ZSWIM5: variants seen among roughly 807,000 people sequenced by gnomAD.
ZSWIM5 encodes the protein zinc finger SWIM domain-containing protein 5.
A neutral mutation model predicts 119.6 loss-of-function variants in ZSWIM5; 55 were observed. The observed-to-expected ratio is 0.46, with a 90% CI of 0.37 to 0.58. ZSWIM5 has a LOEUF of 0.58. Ranked by LOEUF, ZSWIM5 falls within the 20% of genes least tolerant of loss-of-function variation. ZSWIM5 has a pLI of 0.00. For missense variants in ZSWIM5, 1,193 were observed against 1,512.8 expected (o/e 0.79, Z 3.51); for synonymous variants, 537 against 606.9 (o/e 0.88, Z 1.69).
chr1:45,043,474 G>T (rs931572826), intron 5 of ZSWIM5, 79 bp from the exon 6 acceptor site: 128 of 1,412,104 alleles, frequency 9.1e-5, no homozygotes, highest in Non-Finnish European at 2.2e-5. Flanking sequence ...CAGGGTGGGA[G>T]GTTGGCTGAA....
At position 45,020,114 on chromosome 1, in the gene ZSWIM5, T is replaced by G. The variant is rs776079801; in HGVS notation, c.2647A>C (p.Arg883=). 6.2e-6 allele frequency: 10 copies of G among 1,614,148 alleles called. No individual in the cohort carries two copies. The South Asian group carries it at 9.9e-5, about 16-fold the overall frequency. Residue 883 remains arginine, a synonymous_variant, in exon 13 of 14, where the codon AGA becomes CGA. Coordinates refer to ENST00000359600, the MANE Select transcript of ZSWIM5 (RefSeq NM_020883.2). ...AACCATCGTACCATCTCCCTGCGTC[T>G]CCAGTTAAGGGTTGATAAGGTCATC... ...MRMTLSTLNW[R]RREMVRWLVT...
At chr1:45,058,509 A>T in intron 4 of ZSWIM5, 100 bp downstream of exon 4, 1 of 1,476,004 alleles carries the variant, frequency 6.8e-7, no homozygotes, top group Non-Finnish European at 9.2e-7. Flanking sequence ...AGCTGGACTT[A>T]GCAAGATCCA....
At chr1:45,059,786 T>C (rs180685282) in intron 3 of ZSWIM5, among the ~76,000 whole-genome samples, 60 of 152,316 alleles carry the variant, frequency 3.9e-4, no homozygotes, top group African/African-American at 1.3e-3. Flanking sequence ...GTTGAAACTC[T>C]AGTCTTCAGG....
chr1:45,185,236 T>C (rs1160410017), intron 1 of ZSWIM5, among the ~76,000 whole-genome samples: 1 of 151,134 alleles, frequency 6.6e-6, no homozygotes, highest in Non-Finnish European at 1.5e-5. Context: ...TTACACCTTA[T>C]ACAAAAATTA....
At chr1:45,141,698 T>C (rs896480173) in intron 1 of ZSWIM5, among the ~76,000 whole-genome samples, 2 of 152,042 alleles carry the variant, frequency 1.3e-5, no homozygotes, top group Admixed American at 1.3e-4. Flanking sequence ...ACATGGAAAA[T>C]ATATTACCAT....
intron 1 of ZSWIM5, among the ~76,000 whole-genome samples, chr1:45,144,173 A>G (rs1015576757): frequency 2.0e-5 from 3 of 152,150 alleles, no homozygotes; most frequent in Non-Finnish European, 4.4e-5. Flanking sequence ...AGGAACTGGA[A>G]GAGCTAAAAT....
chr1:45,098,872 G>A (rs1029119650), intron 1 of ZSWIM5, among the ~76,000 whole-genome samples: 8 of 152,112 alleles, frequency 5.3e-5, no homozygotes, highest in East Asian at 1.9e-4. Flanking sequence ...CACACCATAC[G>A]AGAATCTCTG....
At chr1:45,094,529 G>A (rs2149014569) in intron 1 of ZSWIM5, among the ~76,000 whole-genome samples, 1 of 152,148 alleles carries the variant, frequency 6.6e-6, no homozygotes, top group South Asian at 2.1e-4. Flanking sequence ...GACTGCTTGA[G>A]CCCAGGAGTT....
At chr1:45,133,255 CCA>C (rs1340794315) in intron 1 of ZSWIM5, among the ~76,000 whole-genome samples, 1 of 152,184 alleles carries the variant, frequency 6.6e-6, no homozygotes, top group Non-Finnish European at 1.5e-5. Flanking sequence ...TCCTGTTTCT[CCA>C]CATCCTCTAC....
At chr1:45,152,616 G>T (rs1477415141) in intron 1 of ZSWIM5, among the ~76,000 whole-genome samples, 1 of 152,082 alleles carries the variant, frequency 6.6e-6, no homozygotes, top group Non-Finnish European at 1.5e-5. Context: ...ATGGATTAAA[G>T]ATTTAAATAT....
Position 45,048,080 on chromosome 1 carries a change from CTCT to C in ZSWIM5, c.1432+2991_1432+2993del, listed in dbSNP as rs1402286232. The stretch of plus-strand genomic sequence containing the variant: ...TTCTTTCTTTCTTTCCTTTTCTTTT[CTCT>C]TTTTTTTTTTTTTTTTTTGAGACAG... On this transcript the variant is annotated intron_variant, in intron 5 of 13. Transcript: ENST00000359600. 6.3e-3 allele frequency among the ~76,000 whole-genome samples: 27 copies of C among 4,258 alleles called. 1 individual carries two copies. Among genetic ancestry groups the C allele is most frequent in the South Asian group, 0.02 (1 of 50 alleles). The allele number at this position is 4,258 out of a possible 152,430, so 2.8% of individuals were successfully genotyped here. A position where few individuals can be genotyped will look rare whatever the true frequency, so the allele number is the denominator to read the frequency against.
chr1:45,048,575 TG>T (rs1645070975), intron 5 of ZSWIM5, among the ~76,000 whole-genome samples: 1 of 151,784 alleles, frequency 6.6e-6, no homozygotes, highest in South Asian at 2.1e-4. Context: ...AAATTCCTAG[TG>T]GGTAAAAGAA....
chr1:45,110,072 G>A (rs553840183), intron 1 of ZSWIM5, among the ~76,000 whole-genome samples: 1 of 152,136 alleles, frequency 6.6e-6, no homozygotes, highest in South Asian at 2.1e-4. Flanking sequence ...TCACTATGTT[G>A]CCCAGGCTGG....
In ZSWIM5 at chr1:45,206,544, G is replaced by A; in HGVS notation, c.-194C>T. On this transcript the variant is annotated 5_prime_UTR_variant, in exon 1 of 14. Coordinates refer to ENST00000359600, the MANE Select transcript of ZSWIM5 (RefSeq NM_020883.2). ...GGGAGCGCGCCGCGAGGGCAGACGC[G>A]GGCGGCCTGCAGGGTAGCGTGAGGC... 2 of 1,014,268 alleles carry A rather than the reference G, an allele frequency of 2.0e-6. No individual in the cohort carries two copies. The highest frequency in any genetic ancestry group is 4.6e-5 in the South Asian group (1 of 21,574). The allele number at this position is 1,014,268 out of a possible 1,614,324, so 62.8% of individuals were successfully genotyped here. A position where few individuals can be genotyped will look rare whatever the true frequency, so the allele number is the denominator to read the frequency against.
At chr1:45,069,383 G>A (rs938228497) in intron 2 of ZSWIM5, among the ~76,000 whole-genome samples, 2 of 150,824 alleles carry the variant, frequency 1.3e-5, no homozygotes, top group African/African-American at 4.9e-5. Context: ...CCAAGATCGT[G>A]CCACTGCACT....
intron 11 of ZSWIM5, among the ~76,000 whole-genome samples, chr1:45,022,120 CTTTAT>C (rs145235699): frequency 0.84 from 123,000 of 147,174 alleles, 53,082 homozygotes; most frequent in Middle Eastern, 0.96. Context: ...TATGATTCTA[CTTTAT>C]TTTATTTTAT....
intron 1 of ZSWIM5, among the ~76,000 whole-genome samples, chr1:45,199,526 C>G (rs1646147045): frequency 6.6e-6 from 1 of 152,104 alleles, no homozygotes; most frequent in Non-Finnish European, 1.5e-5. Flanking sequence ...GTCTTGATCT[C>G]CTGACCTCAT....
intron 1 of ZSWIM5, among the ~76,000 whole-genome samples, chr1:45,091,835 C>T (rs926662094): frequency 2.6e-5 from 4 of 151,978 alleles, no homozygotes; most frequent in African/African-American, 9.7e-5. Context: ...TAAGAATATT[C>T]GTTAGATTTG....
chr1:45,030,461 G>A (rs2148989593), intron 11 of ZSWIM5, among the ~76,000 whole-genome samples: 2 of 152,108 alleles, frequency 1.3e-5, no homozygotes, highest in African/African-American at 4.8e-5. Flanking sequence ...TGGCCAGGCT[G>A]GTCTCGAACT....
Sources: allele counts gnomAD v4.1 joint callset (sites outside exome capture counted in the v4.1 genomes callset), GRCh38; gene constraint gnomAD v4.1.1; transcripts MANE v1.5; gene names NCBI Gene and HGNC (gene_info 2026-07-23, HGNC 2026-07-21).